AGA: variants seen among roughly 807,000 people sequenced by gnomAD.
AGA encodes N(4)-(beta-N-acetylglucosaminyl)-L-asparaginase.
AGA carries 31 observed loss-of-function variants against 40.1 expected under a neutral mutation model. The ratio of observed to expected loss-of-function variants is 0.77; its 90% CI spans 0.58 to 1.04. The LOEUF (loss-of-function observed/expected upper bound fraction) is 1.04, where lower values mean the gene tolerates loss of function less well. Among genes scored for constraint, AGA ranks in the 50% least tolerant of loss-of-function variants. The pLI, the probability that AGA is intolerant of heterozygous loss-of-function variation, is 0.00. For synonymous variants in AGA, 148 were observed against 144.0 expected, an observed-to-expected ratio of 1.03 and a Z score of -0.20; for missense variants, 445 against 435.4, an observed-to-expected ratio of 1.02 and a Z score of -0.20.
rs199757656 is a variant in AGA, at chr4:177,442,271, G to A, written c.105C>T (p.Pro35=). ...SPLPLVVNTW[P]FKNATEAAWR... ...CACCTGCTTCGGTTGCATTCTTAAA[G>A]GGCCAAGTGTTGACGACCAGGGGCA... is the stretch of plus-strand genomic sequence containing the variant. The change falls in exon 1 of 9, where the codon CCC becomes CCT. Residue 35 remains proline (P), a synonymous_variant. Transcript: ENST00000264595. 2 of 1,613,972 alleles carry A rather than the reference G, an allele frequency of 1.2e-6. No homozygotes were observed. The highest frequency in any genetic ancestry group is 4.5e-5 in the East Asian group (2 of 44,868).
intron 4 of AGA, among the ~76,000 whole-genome samples, chr4:177,438,267 A>T (rs555234064): frequency 6.6e-6 from 1 of 152,302 alleles, no homozygotes; most frequent in East Asian, 1.9e-4. Flanking sequence ...AGGACCCTGT[A>T]CGGCAAAGGC....
chr4:177,434,524 T>G, intron 6 of AGA, 35 bp from the exon 7 acceptor site: 1 of 1,557,136 alleles, frequency 6.4e-7, no homozygotes, highest in Non-Finnish European at 8.9e-7. Flanking sequence ...CGGCAGGAAA[T>G]CGAGTGTAAA....
Position 177,437,462 on chromosome 4 carries a change from T to G in AGA, c.565A>C (p.Lys189Gln), listed in dbSNP as rs1366863689. 6.2e-7 allele frequency: 1 copy of G among 1,613,620 alleles called. No individual in the cohort carries two copies. Among genetic ancestry groups the G allele is most frequent in the South Asian group, 1.1e-5 (1 of 91,070 alleles). Residue 189 changes from lysine (K) to glutamine (Q), a missense_variant, in exon 5 of 9, where the codon AAG (lysine) becomes CAG (glutamine). By Grantham distance (53) the Lys-to-Gln change is moderately conservative. Coordinates refer to ENST00000264595, the MANE Select transcript of AGA (RefSeq NM_000027.4). ...CGPYKPPGIL[K>Q]QDIPIHKETE... ...TCTTTATGGATAGGAATATCCTGCT[T>G]TAAGATACCAGGTGGTTTGTAGGGT...
chr4:177,438,996 A>C, intron 3 of AGA, 139 bp from the exon 4 acceptor site: 1 of 714,600 alleles, frequency 1.4e-6, no homozygotes, highest in African/African-American at 1.7e-5. Flanking sequence ...TCACACATGA[A>C]CAGTTTTAAG....
Position 177,431,179 on chromosome 4 carries a change from G to C in AGA, c.*529C>G, listed in dbSNP as rs1261447088. The C allele has an allele frequency of 6.8e-6, 3 of 438,112 alleles. No individual in the cohort carries two copies. Among genetic ancestry groups the C allele is most frequent in the African/African-American group, 6.1e-5 (3 of 49,004 alleles). 27.1% of individuals were successfully genotyped at this position (438,112 alleles called of 1,614,324 possible). A position where few individuals can be genotyped will look rare whatever the true frequency, so the allele number is the denominator to read the frequency against. ...TATTTTCTAGTATGTACAAAACAAAGAGTATCTCATGTTCTATCATCTTCC... is the reference window on the plus strand; with the variant it reads ...TATTTTCTAGTATGTACAAAACAAACAGTATCTCATGTTCTATCATCTTCC... On this transcript the variant is annotated 3_prime_UTR_variant, in exon 9 of 9. Transcript: ENST00000264595.
chr4:177,437,590 T>C (rs1366436507), intron 4 of AGA, 71 bp from the exon 5 acceptor site: 1 of 1,064,272 alleles, frequency 9.4e-7, no homozygotes, highest in African/African-American at 1.6e-5. Context: ...TTATGTACAA[T>C]CGCTAAACAC....
chr4:177,438,291 C>G (rs1411154462), intron 4 of AGA, among the ~76,000 whole-genome samples: 1 of 152,004 alleles, frequency 6.6e-6, no homozygotes, highest in African/African-American at 2.4e-5. Context: ...CTGATTTATG[C>G]CAAAAGTCTC....
intron 2 of AGA, chr4:177,440,063 A>C (rs958244635): frequency 4.8e-6 from 3 of 624,760 alleles, no homozygotes; most frequent in Non-Finnish European, 8.4e-6. Flanking sequence ...TCCCAGTTCT[A>C]AGGGACTACC....
intron 6 of AGA, among the ~76,000 whole-genome samples, chr4:177,434,868 T>C (rs771956498): frequency 6.6e-6 from 1 of 151,386 alleles, no homozygotes; most frequent in Non-Finnish European, 1.5e-5. Context: ...CTAAGGTTAA[T>C]AACAATAGAG....
At chr4:177,441,446 C>A (rs1388666520) in intron 1 of AGA, among the ~76,000 whole-genome samples, 1 of 152,088 alleles carries the variant, frequency 6.6e-6, no homozygotes, top group African/African-American at 2.4e-5. Context: ...ATGAAAGAAA[C>A]AAGCATAGTA....
intron 6 of AGA, among the ~76,000 whole-genome samples, chr4:177,434,944 G>A (rs971945471): frequency 6.7e-6 from 1 of 149,914 alleles, no homozygotes; most frequent in African/African-American, 2.4e-5. Context: ...CTGTCACCCA[G>A]CTGGAGTGCA....
Position 177,438,865 on chromosome 4 carries a change from T to C in AGA, c.395-8A>G, listed in dbSNP as rs386833426. The C allele has an allele frequency of 7.9e-6, 12 of 1,518,152 alleles. No individual in the cohort carries two copies. The East Asian group carries it at 1.8e-4, about 23-fold the overall frequency. 94.0% of individuals were successfully genotyped at this position (1,518,152 alleles called of 1,614,324 possible). The stretch of plus-strand genomic sequence containing the variant: ...TTTGAGCAAATGTGGTGGCTGGAGA[T>C]TGGAAAAAAGGAAAGTATAAATTAT... On this transcript the variant is annotated splice_polypyrimidine_tract_variant and splice_region_variant and intron_variant, in intron 3 of 8. Coordinates refer to ENST00000264595, the MANE Select transcript of AGA (RefSeq NM_000027.4).
chr4:177,441,149 T>C lies in AGA; in HGVS notation c.128-723A>G, dbSNP rs551845968. Among the ~76,000 whole-genome samples, 9 of 149,170 alleles carry C rather than the reference T, an allele frequency of 6.0e-5. No homozygotes were observed. The East Asian group carries it at 1.6e-3, about 26-fold the overall frequency. ...ATTCCTTGAAGAGTGGGTGCTCTGG[T>C]TGGTAAACACTACAGCACCTACAGG... On this transcript the variant is annotated intron_variant, in intron 1 of 8. Transcript: ENST00000264595.
intron 1 of AGA, among the ~76,000 whole-genome samples, chr4:177,441,568 G>T (rs983334836): frequency 6.6e-6 from 1 of 152,178 alleles, no homozygotes; most frequent in African/African-American, 2.4e-5. Flanking sequence ...ACGCTTCCTG[G>T]AAGAGGTGAT....
At chr4:177,441,677 A>T (rs1439233202) in intron 1 of AGA, among the ~76,000 whole-genome samples, 2 of 152,198 alleles carry the variant, frequency 1.3e-5, no homozygotes, top group Non-Finnish European at 2.9e-5. Context: ...GTTAGATCAC[A>T]GTCACAGGAG....
intron 7 of AGA, among the ~76,000 whole-genome samples, 157 bp downstream of exon 7, chr4:177,434,225 A>T (rs969645358): frequency 6.6e-6 from 1 of 151,884 alleles, no homozygotes; most frequent in South Asian, 2.1e-4. Context: ...CTGGTCTCAA[A>T]CTCCTGACCT....
intron 6 of AGA, 83 bp downstream of exon 6, chr4:177,436,193 C>T (rs113118047): frequency 6.0e-6 from 7 of 1,172,966 alleles, no homozygotes; most frequent in African/African-American, 1.5e-5. Context: ...TAGGGCTGTG[C>T]TTTGCAACCC....
intron 4 of AGA, among the ~76,000 whole-genome samples, chr4:177,437,765 C>T (rs928163927): frequency 1.3e-5 from 2 of 152,102 alleles, no homozygotes; most frequent in African/African-American, 4.8e-5. Context: ...TTGCATGACA[C>T]AGGTCCCTAA....
At position 177,439,612 on chromosome 4, in the gene AGA, C is replaced by T. The variant is rs771762718; in HGVS notation, c.358G>A (p.Glu120Lys). 3 of 1,613,962 alleles carry T rather than the reference C, an allele frequency of 1.9e-6. No homozygotes were observed. The highest frequency in any genetic ancestry group is 2.2e-5 in the South Asian group (2 of 91,072). The stretch of plus-strand genomic sequence containing the variant: ...ACTAAAAGTGTGTGTGTTGTATGTT[C>T]CAGTACTTTCCGTGCCACACCAATA... ...NAIGVARKVL[E>K]HTTHTLLVGE... Residue 120 changes from glutamate (E) to lysine (K), a missense_variant, in exon 3 of 9, where the codon GAA becomes AAA. Physicochemically the swap from Glu to Lys is moderately conservative, Grantham distance 56. Transcript: ENST00000264595.
Sources: gnomAD v4.1 joint callset for allele counts (sites outside exome capture counted in the v4.1 genomes callset) on GRCh38, gnomAD v4.1.1 for gene constraint, MANE v1.5 for transcripts, NCBI Gene and HGNC (gene_info 2026-07-23, HGNC 2026-07-21) for gene names.